HYCC2: variants seen among roughly 807,000 people sequenced by gnomAD.
The protein encoded by HYCC2 is hyccin 2.
chr2:201,032,966 CTA>C, the HYCC2 span, among the ~76,000 whole-genome samples: 7 of 151,532 alleles, frequency 4.6e-5, no homozygotes, highest in African/African-American at 1.7e-4. Flanking sequence ...ATCAAGAAGT[CTA>C]TGTTTTAGGA....
the HYCC2 span, among the ~76,000 whole-genome samples, chr2:201,003,518 G>A: frequency 3.8e-4 from 57 of 151,860 alleles, no homozygotes; most frequent in Non-Finnish European, 2.2e-4. Context: ...AGACTAGCCC[G>A]ACCAAAATGG....
chr2:201,046,137 T>C, the HYCC2 span, among the ~76,000 whole-genome samples: 1 of 152,136 alleles, frequency 6.6e-6, no homozygotes, highest in Non-Finnish European at 1.5e-5. Flanking sequence ...CAAAAAATGC[T>C]CTTACTGAAT....
chr2:201,056,166 C>G, the HYCC2 span, among the ~76,000 whole-genome samples: 2 of 151,556 alleles, frequency 1.3e-5, no homozygotes, highest in African/African-American at 4.9e-5. Flanking sequence ...TGCACTCCAA[C>G]CTGGGCAAGA....
the HYCC2 span, among the ~76,000 whole-genome samples, chr2:200,986,091 T>G: frequency 2.0e-5 from 3 of 152,206 alleles, no homozygotes; most frequent in African/African-American, 2.4e-5. Flanking sequence ...TAAAACTTAC[T>G]CCTAGGGATA....
At chr2:200,986,318 A>C in the HYCC2 span, among the ~76,000 whole-genome samples, 1 of 152,250 alleles carries the variant, frequency 6.6e-6, no homozygotes, top group Admixed American at 6.5e-5. Flanking sequence ...AAAGAGCAAG[A>C]GTTCCCTATG....
the HYCC2 span, among the ~76,000 whole-genome samples, chr2:201,054,722 T>C: frequency 2.0e-5 from 3 of 152,144 alleles, no homozygotes; most frequent in Admixed American, 6.5e-5. Context: ...CCATAAAAAG[T>C]AGTATCCAAC....
the HYCC2 span, among the ~76,000 whole-genome samples, chr2:200,995,327 C>A: frequency 6.6e-6 from 1 of 152,140 alleles, no homozygotes; most frequent in African/African-American, 2.4e-5. Flanking sequence ...TTGAGCAAAG[C>A]ACTTGTGGTG....
the HYCC2 span, chr2:201,021,655 A>G: frequency 1.1e-5 from 2 of 176,444 alleles, no homozygotes; most frequent in Non-Finnish European, 2.4e-5. Flanking sequence ...CAAATACAGA[A>G]TATCTGACCA....
chr2:201,023,181 C>T, the HYCC2 span, among the ~76,000 whole-genome samples: 4 of 152,050 alleles, frequency 2.6e-5, 1 homozygote, highest in African/African-American at 9.7e-5. Context: ...AAACCTGTCT[C>T]TACTAAAAAT....
chr2:200,979,999 T>C, the HYCC2 span: 1 of 152,596 alleles, frequency 6.6e-6, no homozygotes, highest in African/African-American at 2.4e-5. Flanking sequence ...GGTACACAAA[T>C]TGCATTACAT....
At chr2:201,050,920 A>G in the HYCC2 span, among the ~76,000 whole-genome samples, 1 of 152,188 alleles carries the variant, frequency 6.6e-6, no homozygotes, top group Non-Finnish European at 1.5e-5. Context: ...GGGGGGACAG[A>G]GCAAGACTCC....
the HYCC2 span, among the ~76,000 whole-genome samples, chr2:201,006,964 G>A: frequency 6.6e-6 from 1 of 152,176 alleles, no homozygotes; most frequent in Non-Finnish European, 1.5e-5. Context: ...GAAGAGGGGT[G>A]AGGTAATCAA....
the HYCC2 span, among the ~76,000 whole-genome samples, chr2:201,049,557 G>A: frequency 2.7e-5 from 4 of 150,010 alleles, no homozygotes; most frequent in South Asian, 2.1e-4. Context: ...GTTTCACCAC[G>A]TTGGCCAGGG....
At chr2:200,980,549 A>G in the HYCC2 span, 1 of 152,702 alleles carries the variant, frequency 6.5e-6, no homozygotes, top group Non-Finnish European at 1.5e-5. Flanking sequence ...AATAATGACT[A>G]TACAGCCATT....
the HYCC2 span, among the ~76,000 whole-genome samples, chr2:201,029,176 C>A: frequency 6.6e-6 from 1 of 152,174 alleles, no homozygotes; most frequent in Admixed American, 6.5e-5. Flanking sequence ...CAAAAGAAAA[C>A]ATTTATGCAG....
chr2:201,044,275 A>G, the HYCC2 span, among the ~76,000 whole-genome samples: 1 of 152,146 alleles, frequency 6.6e-6, no homozygotes. Context: ...TTATTTAGAG[A>G]TGAGTTCTTG....
chr2:200,992,384 T>C, the HYCC2 span: 268 of 1,454,694 alleles, frequency 1.8e-4, no homozygotes, highest in Non-Finnish European at 2.5e-4. Context: ...AAGAAGCAGA[T>C]CATTTATACT....
chr2:200,991,525 C>T, the HYCC2 span, among the ~76,000 whole-genome samples: 2 of 150,494 alleles, frequency 1.3e-5, no homozygotes, highest in South Asian at 2.1e-4. Flanking sequence ...GCTGAGATAG[C>T]GCCACTGCAC....
At chr2:201,038,349 T>C in the HYCC2 span, among the ~76,000 whole-genome samples, 1 of 152,114 alleles carries the variant, frequency 6.6e-6, no homozygotes, top group Admixed American at 6.5e-5. Flanking sequence ...TCCTCAGGGA[T>C]CTAGAACTAG....
Sources: allele counts gnomAD v4.1 joint callset (sites outside exome capture counted in the v4.1 genomes callset), GRCh38; gene constraint gnomAD v4.1.1; transcripts MANE v1.5; gene names NCBI Gene and HGNC (gene_info 2026-07-23, HGNC 2026-07-21).